The following RANBP9 variants were observed in gnomAD, a reference collection of about 807,000 sequenced individuals.
RANBP9 encodes the protein RAN binding protein 9.
RANBP9 carries 15 observed loss-of-function variants against 84.3 expected under a neutral mutation model. The ratio of observed to expected loss-of-function variants is 0.18; its 90% CI spans 0.12 to 0.27. The LOEUF (loss-of-function observed/expected upper bound fraction) is 0.27, where lower values mean the gene tolerates loss of function less well. Ranked by LOEUF, RANBP9 falls within the 10% of genes least tolerant of loss-of-function variation. The probability of loss-of-function intolerance (pLI) is 1.00; values close to 1 mark genes in which losing one functional copy is unlikely to be tolerated. For synonymous variants in RANBP9, 392 were observed against 349.6 expected, an observed-to-expected ratio of 1.12 and a Z score of -1.35; for missense variants, 809 against 912.8, an observed-to-expected ratio of 0.89 and a Z score of 1.46.
chr6:13,632,995 T>C (rs1029090897), intron 11 of RANBP9, among the ~76,000 whole-genome samples: 3 of 152,028 alleles, frequency 2.0e-5, no homozygotes, highest in Non-Finnish European at 4.4e-5. Flanking sequence ...ACTGAAAAGA[T>C]TAAATGCACT....
chr6:13,644,647 T>C lies in RANBP9; in HGVS notation c.1010A>G (p.Asp337Gly). 1 of 1,613,560 alleles carries C rather than the reference T, an allele frequency of 6.2e-7. No homozygotes were observed. ...ANFGQHPFVF[D>G]IEDYMREWRT... ...CCACTCCCGCATATAGTCTTCTATA[T>C]CAAACACGAAAGGATGTTGCCCAAA... Residue 337 changes from aspartate to glycine, a missense_variant, in exon 6 of 14, where the codon GAT (aspartate) becomes GGT (glycine). Around this residue, in one of 5 missense-constraint regions of RANBP9, gnomAD observed 216 missense variants for 329.0 expected, o/e 0.66. Coordinates refer to ENST00000011619, the MANE Select transcript of RANBP9 (RefSeq NM_005493.3).
At chr6:13,651,621 C>T (rs1488510492) in intron 5 of RANBP9, among the ~76,000 whole-genome samples, 3 of 151,674 alleles carry the variant, frequency 2.0e-5, no homozygotes, top group South Asian at 2.1e-4. Flanking sequence ...AGGATGGTCT[C>T]GATCTCCTGA....
At chr6:13,709,538 G>A (rs1013558791) in intron 1 of RANBP9, among the ~76,000 whole-genome samples, 4 of 152,082 alleles carry the variant, frequency 2.6e-5, no homozygotes, top group Non-Finnish European at 4.4e-5. Flanking sequence ...CATAAAAGTA[G>A]AAATACTTCA....
At chr6:13,682,671 A>G (rs911563389) in intron 2 of RANBP9, among the ~76,000 whole-genome samples, 1 of 151,770 alleles carries the variant, frequency 6.6e-6, no homozygotes, top group African/African-American at 2.4e-5. Context: ...GGCTGGTCTC[A>G]AAACTCCTGA....
chr6:13,634,681 G>A, intron 10 of RANBP9, 129 bp from the exon 11 acceptor site: 6 of 912,648 alleles, frequency 6.6e-6, no homozygotes, highest in Admixed American at 3.3e-5. Context: ...CTGCAAAAAA[G>A]GTATTTAGTT....
intron 1 of RANBP9, among the ~76,000 whole-genome samples, chr6:13,705,868 CAA>C (rs767070995): frequency 5.1e-4 from 39 of 76,738 alleles, no homozygotes; most frequent in Non-Finnish European, 5.5e-4. Flanking sequence ...GACTCCGTCT[CAA>C]AAAAAAAAAA....
chr6:13,624,175 G>T (rs1218552668), intron 13 of RANBP9, among the ~76,000 whole-genome samples: 1 of 152,100 alleles, frequency 6.6e-6, no homozygotes, highest in Non-Finnish European at 1.5e-5. Context: ...CAACACTGAG[G>T]ACACTACTCC....
chr6:13,672,562 C>T (rs966192794), intron 2 of RANBP9, among the ~76,000 whole-genome samples: 2 of 151,998 alleles, frequency 1.3e-5, no homozygotes, highest in African/African-American at 2.4e-5. Context: ...GCCAGATAAA[C>T]CTAAAATCTC....
intron 2 of RANBP9, among the ~76,000 whole-genome samples, chr6:13,680,049 G>A (rs910044108): frequency 4.6e-5 from 7 of 152,094 alleles, no homozygotes; most frequent in African/African-American, 1.7e-4. Context: ...GAAAGAGAAT[G>A]GAGGAAATTT....
chr6:13,710,709 C>T (rs1373556468), intron 1 of RANBP9, among the ~76,000 whole-genome samples: 1 of 152,238 alleles, frequency 6.6e-6, no homozygotes, highest in Non-Finnish European at 1.5e-5. Context: ...CTCCTTTCTA[C>T]CCTGGGGCAT....
At chr6:13,638,332 G>C (rs1764987704) in intron 9 of RANBP9, among the ~76,000 whole-genome samples, 2 of 152,098 alleles carry the variant, frequency 1.3e-5, no homozygotes, top group African/African-American at 4.8e-5. Context: ...AATCACACTT[G>C]TTGTACAGAG....
intron 2 of RANBP9, among the ~76,000 whole-genome samples, chr6:13,686,473 C>A (rs748417405): frequency 1.3e-5 from 2 of 151,612 alleles, no homozygotes; most frequent in Non-Finnish European, 2.9e-5. Context: ...TGGGTAGAGA[C>A]AGGGTTTTAC....
intron 11 of RANBP9, 138 bp from the exon 12 acceptor site, chr6:13,632,659 AATTC>A: frequency 1.2e-6 from 1 of 842,468 alleles, no homozygotes; most frequent in Non-Finnish European, 1.8e-6. Context: ...GATTGTTAAA[AATTC>A]ATTTTTAATA....
chr6:13,701,569 T>TC (rs2044681472), intron 1 of RANBP9, among the ~76,000 whole-genome samples: 1 of 151,944 alleles, frequency 6.6e-6, no homozygotes, highest in South Asian at 2.1e-4. Flanking sequence ...GGTCTGGAGT[T>TC]CGAGACCAGC....
At chr6:13,678,825 C>G (rs1765958927) in intron 2 of RANBP9, among the ~76,000 whole-genome samples, 1 of 152,076 alleles carries the variant, frequency 6.6e-6, no homozygotes, top group South Asian at 2.1e-4. Context: ...ATTCTCATAT[C>G]CCCCTGCAGC....
chr6:13,673,344 A>G (rs1765816661), intron 2 of RANBP9, among the ~76,000 whole-genome samples: 1 of 152,206 alleles, frequency 6.6e-6, no homozygotes, highest in Non-Finnish European at 1.5e-5. Flanking sequence ...TTCTCAGACA[A>G]ACAAAAATAG....
chr6:13,672,196 T>C (rs769533634), intron 2 of RANBP9, among the ~76,000 whole-genome samples: 52 of 152,104 alleles, frequency 3.4e-4, no homozygotes, highest in Non-Finnish European at 6.3e-4. Flanking sequence ...GTAACCATTT[T>C]GAAATCTGAC....
rs752416158 is a variant in RANBP9, at chr6:13,711,016, G to A, written c.490C>T (p.Pro164Ser). The A allele has an allele frequency of 1.6e-5, 26 of 1,605,802 alleles. No individual in the cohort carries two copies. The highest frequency in any genetic ancestry group is 1.8e-5 in the Non-Finnish European group (21 of 1,176,730). ...TTCGGGCTCCAGGACCGAGGCAGCG[G>A]CGTCTCTTGTTCGTCCACGGCCGGG... The part of the protein sequence containing the change: ...LYPAVDEQET[P>S]LPRSWSPKDK... The change falls in exon 1 of 14, where the codon CCG becomes TCG. Residue 164 changes from proline (P) to serine (S), a missense_variant. Pro to Ser is a moderately conservative substitution (Grantham distance 74, BLOSUM62 -1). Around this residue, in one of 5 missense-constraint regions of RANBP9, gnomAD observed 302 missense variants for 240.1 expected, o/e 1.26. Transcript: ENST00000011619.
chr6:13,651,345 T>C (rs116376340), intron 5 of RANBP9, among the ~76,000 whole-genome samples: 2,048 of 152,102 alleles, frequency 0.013, 54 homozygotes, highest in African/African-American at 0.046. Context: ...ACAGGTCCCC[T>C]TGCTTCTACC....
Sources: allele counts gnomAD v4.1 joint callset (sites outside exome capture counted in the v4.1 genomes callset), GRCh38; gene constraint gnomAD v4.1.1; regional missense constraint gnomAD v4.1.1; transcripts MANE v1.5; gene names NCBI Gene and HGNC (gene_info 2026-07-23, HGNC 2026-07-21).